TEX15: variants seen among roughly 807,000 people sequenced by gnomAD.
TEX15 encodes testis expressed 15, meiosis and synapsis associated.
In TEX15, 171 loss-of-function variants were observed where a neutral mutation model predicts 237.3. The ratio of observed to expected loss-of-function variants is 0.72; its 90% confidence interval spans 0.64 to 0.82. The LOEUF (loss-of-function observed/expected upper bound fraction) is 0.82. TEX15 is among the 40% of genes least tolerant of loss of function. The pLI, the probability that TEX15 is intolerant of heterozygous loss-of-function variation, is 0.00. For synonymous variants in TEX15, 1,338 were observed against 1,269.8 expected, an observed-to-expected ratio of 1.05 and a Z score of -1.14; for missense variants, 3,750 against 3,646.5, an observed-to-expected ratio of 1.03 and a Z score of -0.73.
At chr8:30,911,202 C>G (rs1422808471) in intron 1 of TEX15, among the ~76,000 whole-genome samples, 1 of 152,224 alleles carries the variant, frequency 6.6e-6, no homozygotes, top group Non-Finnish European at 1.5e-5. Context: ...TCACTGCAGC[C>G]TCAAACTCCC....
At chr8:30,872,823 T>C (rs1383965202) in intron 4 of TEX15, among the ~76,000 whole-genome samples, 2 of 152,186 alleles carry the variant, frequency 1.3e-5, no homozygotes, top group Non-Finnish European at 2.9e-5. Context: ...ACAACGTATT[T>C]GTGTTTTAAG....
chr8:30,842,151 A>G lies in TEX15; in HGVS notation c.8016T>C (p.Ser2672=), dbSNP rs1328142444. 1.2e-6 allele frequency: 2 copies of G among 1,612,770 alleles called. No homozygotes were observed. The highest frequency in any genetic ancestry group is 1.7e-6 in the Non-Finnish European group (2 of 1,179,544). Residue 2672 remains serine, a synonymous_variant, in exon 8 of 11, where the codon AGT becomes AGC. Coordinates refer to ENST00000643185, the MANE Select transcript of TEX15 (RefSeq NM_001350162.2). ...VKPGENNNKF[S]ISTMLPPVSE... is the part of the protein sequence containing the mutation. ...ATACTGGGGGCAACATCGTAGAAAT[A>G]CTAAATTTATTGTTATTTTCCCCAG...
intron 1 of TEX15, among the ~76,000 whole-genome samples, chr8:30,903,022 G>A (rs1474043903): frequency 2.0e-5 from 3 of 152,166 alleles, no homozygotes; most frequent in Non-Finnish European, 4.4e-5. Context: ...ATTTTATTTT[G>A]ATAATGCATA....
At chr8:30,912,439 G>A (rs1487653530) in intron 1 of TEX15, among the ~76,000 whole-genome samples, 7 of 152,318 alleles carry the variant, frequency 4.6e-5, no homozygotes, top group Middle Eastern at 3.4e-3. Context: ...ACTACAAACT[G>A]CGCCTCCAGG....
intron 7 of TEX15, among the ~76,000 whole-genome samples, chr8:30,858,024 A>G (rs1807947567): frequency 6.6e-6 from 1 of 152,040 alleles, no homozygotes; most frequent in Non-Finnish European, 1.5e-5. Context: ...CACATATGCC[A>G]TGAGACACTT....
At chr8:30,904,743 ATCTT>A (rs1809066185) in intron 1 of TEX15, among the ~76,000 whole-genome samples, 1 of 152,200 alleles carries the variant, frequency 6.6e-6, no homozygotes, top group South Asian at 2.1e-4. Flanking sequence ...ACATTAAACT[ATCTT>A]TCTGTGTTAA....
intron 2 of TEX15, among the ~76,000 whole-genome samples, chr8:30,891,048 C>A (rs1384863794): frequency 2.6e-5 from 4 of 152,136 alleles, no homozygotes; most frequent in African/African-American, 9.7e-5. Flanking sequence ...CACAGAAAAA[C>A]TAATTTCTGT....
intron 2 of TEX15, among the ~76,000 whole-genome samples, 172 bp from the exon 3 acceptor site, chr8:30,887,483 A>T (rs1194851365): frequency 6.6e-6 from 1 of 152,178 alleles, no homozygotes; most frequent in African/African-American, 2.4e-5. Context: ...AAATGAGTTT[A>T]CAACTTTGGT....
Position 30,848,853 on chromosome 8 carries a change from C to G in TEX15, c.1314G>C (p.Arg438Ser), listed in dbSNP as rs777981899. Residue 438 changes from arginine to serine, a missense_variant, in exon 8 of 11, where the codon AGG becomes AGC. Arg to Ser is a moderately radical substitution (Grantham distance 110). Coordinates refer to ENST00000643185, the MANE Select transcript of TEX15 (RefSeq NM_001350162.2). The part of the protein sequence containing the change: ...SKSIKDPRLM[R>S]REESMGEQSS... ...TCTGTTCTCCCATACTTTCTTCTCT[C>G]CTCATCAGTCTTGGGTCTTTGATGG... is the stretch of plus-strand genomic sequence containing the variant. The G allele has an allele frequency of 6.2e-7, 1 of 1,614,054 alleles. No individual in the cohort carries two copies. The highest frequency in any genetic ancestry group is 1.1e-5 in the South Asian group (1 of 91,078).
At chr8:30,860,801 C>T (rs1006456109) in intron 5 of TEX15, among the ~76,000 whole-genome samples, 1 of 151,890 alleles carries the variant, frequency 6.6e-6, no homozygotes, top group Non-Finnish European at 1.5e-5. Flanking sequence ...CTGCCCACCT[C>T]GGCTTCCGAA....
In TEX15 at chr8:30,846,849, T is replaced by G; in HGVS notation, c.3318A>C (p.Leu1106Phe). The G allele has an allele frequency of 6.2e-7, 1 of 1,613,948 alleles. No homozygotes were observed. Among genetic ancestry groups the G allele is most frequent in the Non-Finnish European group, 8.5e-7 (1 of 1,179,846 alleles). The change falls in exon 8 of 11, where the codon TTA becomes TTC. Residue 1106 changes from leucine (L) to phenylalanine (F), a missense_variant. Coordinates refer to ENST00000643185, the MANE Select transcript of TEX15 (RefSeq NM_001350162.2). ...CTTCCATCTCCCCGTTATCAAGTGC[T>G]AACAGACCTTCCCAACTGATACGAG... is the stretch of plus-strand genomic sequence containing the variant. ...LKSRISWEGL[L>F]ALDNGEMEVL...
In TEX15 at chr8:30,912,602, C is replaced by A. The variant is rs1040161455; in HGVS notation, c.-86+277G>T. Among the ~76,000 whole-genome samples the A allele has an allele frequency of 2.6e-5, 4 of 152,338 alleles. No homozygotes were observed. In the East Asian group the frequency reaches 7.7e-4, roughly 29 times the overall value. ...AGAGGGAGAGCGAAAGCGCGGGAAC[C>A]CGCGCATCTGAGGAAAGCTAAACAT... On this transcript the variant is annotated intron_variant, in intron 1 of 10. Transcript: ENST00000643185.
At position 30,847,503 on chromosome 8, in the gene TEX15, C is replaced by T. The variant is rs764164594; in HGVS notation, c.2664G>A (p.Gln888=). 15 of 1,613,212 alleles carry T rather than the reference C, an allele frequency of 9.3e-6. No individual in the cohort carries two copies. In the South Asian group the frequency reaches 1.6e-4, roughly 18 times the overall value. ...TGAAATTTTCGTTTGTATGAGAATC[C>T]TGCTTTTTGTCTCCATATATGTTCT... ...NIENIYGDKK[Q]DSHTNENFSN... Residue 888 remains glutamine, a synonymous_variant, in exon 8 of 11, where the codon CAG becomes CAA. Transcript: ENST00000643185.
intron 3 of TEX15, among the ~76,000 whole-genome samples, chr8:30,881,695 C>A (rs1808530537): frequency 6.9e-6 from 1 of 145,716 alleles, no homozygotes; most frequent in South Asian, 2.1e-4. Context: ...GATCTTGGCT[C>A]ACTGCAACCT....
At chr8:30,838,298 G>A (rs765079793) in intron 9 of TEX15, among the ~76,000 whole-genome samples, 5 of 151,936 alleles carry the variant, frequency 3.3e-5, no homozygotes, top group Non-Finnish European at 7.4e-5. Context: ...TTCCAATATT[G>A]TAATAAACTA....
intron 2 of TEX15, among the ~76,000 whole-genome samples, chr8:30,892,782 C>G (rs1305923032): frequency 1.3e-5 from 2 of 152,036 alleles, no homozygotes; most frequent in Non-Finnish European, 2.9e-5. Flanking sequence ...GCCTGTAATC[C>G]CAGCACTTTG....
chr8:30,838,219 T>C (rs1467271439), intron 9 of TEX15, among the ~76,000 whole-genome samples, 158 bp from the exon 10 acceptor site: 1 of 152,188 alleles, frequency 6.6e-6, no homozygotes, highest in Admixed American at 6.5e-5. Flanking sequence ...TTTTCCTAGT[T>C]TGACTGCCGT....
chr8:30,875,383 G>A, intron 3 of TEX15, among the ~76,000 whole-genome samples: 1 of 152,178 alleles, frequency 6.6e-6, no homozygotes, highest in Non-Finnish European at 1.5e-5. Context: ...AACTTAAGAT[G>A]TTGCAACTCT....
At chr8:30,835,599 C>T (rs577077414) in intron 10 of TEX15, among the ~76,000 whole-genome samples, 4 of 151,884 alleles carry the variant, frequency 2.6e-5, no homozygotes, top group South Asian at 4.2e-4. Flanking sequence ...TGCATTTCTC[C>T]GTATAAGATA....
Sources: gnomAD v4.1 joint callset for allele counts (sites outside exome capture counted in the v4.1 genomes callset) on GRCh38, gnomAD v4.1.1 for gene constraint, MANE v1.5 for transcripts, NCBI Gene and HGNC (gene_info 2026-07-23, HGNC 2026-07-21) for gene names.